Variants in KCNG3 observed in about 807,000 individuals in gnomAD.
KCNG3 encodes voltage-gated potassium channel regulatory subunit KCNG3.
Under a neutral mutation model 29.0 loss-of-function variants are expected in KCNG3, and 15 were observed. The ratio of observed to expected loss-of-function variants is 0.52; its 90% CI spans 0.35 to 0.80. The LOEUF (loss-of-function observed/expected upper bound fraction) is 0.80. Among genes scored for constraint, KCNG3 ranks in the 30% least tolerant of loss-of-function variants. The probability of loss-of-function intolerance (pLI) is 0.01; values close to 1 mark genes in which losing one functional copy is unlikely to be tolerated. For missense variants in KCNG3, 512 were observed against 605.7 expected, an observed-to-expected ratio of 0.85 and a Z score of 1.62; for synonymous variants, 322 against 248.9, an observed-to-expected ratio of 1.29 and a Z score of -2.76.
At position 42,493,752 on chromosome 2, in the gene KCNG3, G is replaced by A. The variant is rs937152681; in HGVS notation, c.-251C>T. ...CCGGGGAGTCCTCGCCGGCGCCAGCGCTGAGCCCCACCGGCTGGGAACGCG... is the reference window on the plus strand; with the variant it reads ...CCGGGGAGTCCTCGCCGGCGCCAGCACTGAGCCCCACCGGCTGGGAACGCG... On this transcript the variant is annotated 5_prime_UTR_variant, in exon 1 of 2. Coordinates refer to ENST00000306078, the MANE Select transcript of KCNG3 (RefSeq NM_133329.6). 1 of 321,580 alleles carries A rather than the reference G, an allele frequency of 3.1e-6. No homozygotes were observed. Among genetic ancestry groups the A allele is most frequent in the Non-Finnish European group, 5.6e-6 (1 of 177,196 alleles). The allele number at this position is 321,580 out of a possible 1,614,324, so 19.9% of individuals were successfully genotyped here. A position where few individuals can be genotyped will look rare whatever the true frequency, so the allele number is the denominator to read the frequency against.
At chr2:42,456,775 A>G (rs1672885740) in intron 1 of KCNG3, among the ~76,000 whole-genome samples, 1 of 152,208 alleles carries the variant, frequency 6.6e-6, no homozygotes, top group Admixed American at 6.5e-5. Flanking sequence ...TGTACAAAGC[A>G]TTTCCAATCA....
At chr2:42,455,109 GCCC>G (rs1285709506) in intron 1 of KCNG3, among the ~76,000 whole-genome samples, 1 of 152,146 alleles carries the variant, frequency 6.6e-6, no homozygotes, top group Non-Finnish European at 1.5e-5. Context: ...ACAAATCTAT[GCCC>G]CCAAGAAGGC....
intron 1 of KCNG3, chr2:42,469,934 G>C: frequency 9.1e-6 from 3 of 329,910 alleles, no homozygotes; most frequent in East Asian, 5.4e-5. Context: ...TTACAAACTG[G>C]CCAACAAGGC....
At chr2:42,470,213 C>A in intron 1 of KCNG3, 1 of 420,182 alleles carries the variant, frequency 2.4e-6, no homozygotes, top group South Asian at 2.7e-5. Flanking sequence ...AAAGCGAGTC[C>A]TCCCTCCCAA....
At chr2:42,456,053 C>T (rs1437418721) in intron 1 of KCNG3, among the ~76,000 whole-genome samples, 4 of 151,298 alleles carry the variant, frequency 2.6e-5, no homozygotes, top group African/African-American at 9.7e-5. Context: ...TGAATCCAAA[C>T]TCCAATAACT....
chr2:42,477,682 T>C (rs910007678), intron 1 of KCNG3, among the ~76,000 whole-genome samples: 13 of 151,804 alleles, frequency 8.6e-5, no homozygotes, highest in Non-Finnish European at 1.5e-5. Context: ...AGTTCGAGAC[T>C]AGCCTGGCCA....
intron 1 of KCNG3, among the ~76,000 whole-genome samples, chr2:42,484,664 C>T (rs1277399754): frequency 6.6e-6 from 1 of 152,140 alleles, no homozygotes; most frequent in Non-Finnish European, 1.5e-5. Context: ...TAACTTTTCA[C>T]ATTTTAACAC....
At chr2:42,436,987 C>T in the KCNG3 span, among the ~76,000 whole-genome samples, 1 of 152,156 alleles carries the variant, frequency 6.6e-6, no homozygotes, top group Non-Finnish European at 1.5e-5. Context: ...GGGTGACCCA[C>T]AGGTTAGATT....
the KCNG3 span, among the ~76,000 whole-genome samples, chr2:42,422,437 T>C: frequency 6.6e-6 from 1 of 152,088 alleles, no homozygotes; most frequent in Non-Finnish European, 1.5e-5. Flanking sequence ...CAAATAAGCT[T>C]CTATTGTTCA....
At chr2:42,429,778 G>C in the KCNG3 span, among the ~76,000 whole-genome samples, 2 of 152,178 alleles carry the variant, frequency 1.3e-5, no homozygotes, top group African/African-American at 4.8e-5. Flanking sequence ...GGAATCTGAA[G>C]CTGGAAAGTA....
chr2:42,492,725 C>T, intron 1 of KCNG3, 112 bp downstream of exon 1: 1 of 1,069,742 alleles, frequency 9.3e-7, no homozygotes, highest in Non-Finnish European at 1.2e-6. Context: ...GCTGGGCGCG[C>T]ACCCCGCTGG....
chr2:42,472,502 C>T lies in KCNG3; in HGVS notation c.665+20335G>A, dbSNP rs1292875459. Reference sequence around the variant, plus strand: ...AGAGGCACTCAGTAAACTTCGACTGCATTTTTTTTTTTTTTGAGACAAGGA... The same window carrying T: ...AGAGGCACTCAGTAAACTTCGACTGTATTTTTTTTTTTTTTGAGACAAGGA... On this transcript the variant is annotated intron_variant, in intron 1 of 1. Coordinates refer to ENST00000306078, the MANE Select transcript of KCNG3 (RefSeq NM_133329.6). 2.1e-5 allele frequency among the ~76,000 whole-genome samples: 3 copies of T among 145,426 alleles called. No individual in the cohort carries two copies. The East Asian group carries it at 5.9e-4, about 28-fold the overall frequency.
At chr2:42,461,333 A>G (rs1229794544) in intron 1 of KCNG3, among the ~76,000 whole-genome samples, 1 of 151,960 alleles carries the variant, frequency 6.6e-6, no homozygotes, top group Non-Finnish European at 1.5e-5. Flanking sequence ...AACTGGCTCC[A>G]TGGACAAACC....
chr2:42,481,000 C>T (rs776605800), intron 1 of KCNG3, among the ~76,000 whole-genome samples: 4 of 152,084 alleles, frequency 2.6e-5, no homozygotes, highest in South Asian at 2.1e-4. Context: ...AAGCTGGTCT[C>T]GAACTCCTGA....
At position 42,493,054 on chromosome 2, in the gene KCNG3, A is replaced by T; in HGVS notation, c.448T>A (p.Ser150Thr). The T allele has an allele frequency of 6.6e-7, 1 of 1,526,082 alleles. No individual in the cohort carries two copies. The highest frequency in any genetic ancestry group is 1.2e-5 in the South Asian group (1 of 81,846). 94.5% of individuals were successfully genotyped at this position (1,526,082 alleles called of 1,614,324 possible). Residue 150 changes from serine to threonine, a missense_variant, in exon 1 of 2, where the codon TCC becomes ACC. Physicochemically the swap from Ser to Thr is moderately conservative, Grantham distance 58. Transcript: ENST00000306078. ...ARPGGAEAAP[S>T]RRWLERMRRT... ...CGCATGCGCTCCAGCCAGCGCCTGGAGGGAGCCGCCTCGGCCCCGCCGGGG... is the reference window on the plus strand; with the variant it reads ...CGCATGCGCTCCAGCCAGCGCCTGGTGGGAGCCGCCTCGGCCCCGCCGGGG...
chr2:42,476,387 G>A (rs915800501), intron 1 of KCNG3, among the ~76,000 whole-genome samples: 15 of 152,000 alleles, frequency 9.9e-5, no homozygotes, highest in African/African-American at 3.6e-4. Context: ...TGAAGTGGGA[G>A]GATTGCCTGA....
chr2:42,391,003 T>C, the KCNG3 span, among the ~76,000 whole-genome samples: 4 of 152,192 alleles, frequency 2.6e-5, no homozygotes, highest in African/African-American at 9.7e-5. Flanking sequence ...GAAAGTGCTG[T>C]AGGCTGAGCT....
chr2:42,419,219 C>CTTTTTTT, the KCNG3 span, among the ~76,000 whole-genome samples: 1,163 of 27,772 alleles, frequency 0.042, 387 homozygotes, highest in East Asian at 0.072. Flanking sequence ...GATGGTATCT[C>CTTTTTTT]TTTTTTTTTT....
At chr2:42,402,692 A>G in the KCNG3 span, among the ~76,000 whole-genome samples, 3 of 152,218 alleles carry the variant, frequency 2.0e-5, no homozygotes, top group African/African-American at 7.2e-5. Flanking sequence ...GAGCACATCT[A>G]TCATATAACA....
Sources: allele counts gnomAD v4.1 joint callset (sites outside exome capture counted in the v4.1 genomes callset), GRCh38; gene constraint gnomAD v4.1.1; transcripts MANE v1.5; gene names NCBI Gene and HGNC (gene_info 2026-07-23, HGNC 2026-07-21).